ZBTB8B: variants seen among roughly 807,000 people sequenced by gnomAD.
ZBTB8B encodes the protein zinc finger and BTB domain-containing protein 8B.
Under a neutral mutation model 30.3 loss-of-function variants are expected in ZBTB8B, and 17 were observed. The observed-to-expected ratio is 0.56, with a 90% CI of 0.38 to 0.84. The LOEUF (loss-of-function observed/expected upper bound fraction) is 0.84. Among genes scored for constraint, ZBTB8B ranks in the 40% least tolerant of loss-of-function variants. The pLI is 0.00. For missense variants in ZBTB8B, 515 were observed against 644.9 expected (o/e 0.80, Z 2.18); for synonymous variants, 248 against 255.6 (o/e 0.97, Z 0.28).
chr1:32,471,956 T>C (rs558200461), intron 2 of ZBTB8B, among the ~76,000 whole-genome samples: 2 of 135,754 alleles, frequency 1.5e-5, no homozygotes, highest in South Asian at 4.4e-4. Flanking sequence ...TCATCATCAT[T>C]ACCATCATCT....
intron 2 of ZBTB8B, among the ~76,000 whole-genome samples, chr1:32,480,639 G>A (rs1008110586): frequency 6.6e-6 from 1 of 152,254 alleles, no homozygotes; most frequent in Non-Finnish European, 1.5e-5. Flanking sequence ...TCACACAGAA[G>A]TGTGGAAGCT....
At chr1:32,478,521 AAAT>A (rs1371907483) in intron 2 of ZBTB8B, among the ~76,000 whole-genome samples, 11 of 152,174 alleles carry the variant, frequency 7.2e-5, no homozygotes, top group Admixed American at 1.3e-4. Flanking sequence ...CAGGAAAAAA[AAAT>A]AATAATAGTA....
intron 1 of ZBTB8B, among the ~76,000 whole-genome samples, chr1:32,468,226 ATGT>A (rs971115842): frequency 6.6e-6 from 1 of 152,100 alleles, no homozygotes; most frequent in Non-Finnish European, 1.5e-5. Context: ...TGGGGCTCCA[ATGT>A]TGTCCCCAGG....
rs1437861343 is a variant in ZBTB8B at position 32,489,531 on chromosome 1, A to C, written c.*4113A>C. Reference sequence around the variant, plus strand: ...TTAGGTGGTCAGTATTTATAATCACAGTGTCTTTGAGGTTTAATTTGTGGG... The same window carrying C: ...TTAGGTGGTCAGTATTTATAATCACCGTGTCTTTGAGGTTTAATTTGTGGG... On this transcript the variant is annotated 3_prime_UTR_variant, in exon 4 of 4. Transcript: ENST00000609129. The C allele has an allele frequency of 1.3e-5, 2 of 152,160 alleles. No individual in the cohort carries two copies. Among genetic ancestry groups the C allele is most frequent in the Admixed American group, 6.5e-5 (1 of 15,272 alleles). The allele number at this position is 152,160 out of a possible 1,614,324, so 9.4% of individuals were successfully genotyped here.
Position 32,494,466 on chromosome 1 carries a change from G to A in ZBTB8B, c.*9048G>A, listed in dbSNP as rs540204734. 6.6e-6 allele frequency: 1 copy of A among 152,150 alleles called. No homozygotes were observed. Among genetic ancestry groups the A allele is most frequent in the South Asian group, 2.1e-4 (1 of 4,838 alleles). 9.4% of individuals were successfully genotyped at this position (152,150 alleles called of 1,614,324 possible). On this transcript the variant is annotated 3_prime_UTR_variant, in exon 4 of 4. Transcript: ENST00000609129. ...CCATCAGACCAGAGGCACAGGAGAG[G>A]AAAATGCTGTTTTGGCCTCATATGA... is the stretch of plus-strand genomic sequence containing the variant.
intron 1 of ZBTB8B, 67 bp from the exon 2 acceptor site, chr1:32,470,517 A>AAG (rs1557680628): frequency 7.9e-6 from 9 of 1,133,014 alleles, no homozygotes; most frequent in East Asian, 3.4e-5. Flanking sequence ...AAAAAAAAAA[A>AAG]AAAAAAAAAG....
chr1:32,476,863 C>T (rs1045113070), intron 2 of ZBTB8B, among the ~76,000 whole-genome samples: 1 of 152,026 alleles, frequency 6.6e-6, no homozygotes, highest in South Asian at 2.1e-4. Context: ...CCATGAGGGG[C>T]AGGGACTTTG....
Position 32,487,715 on chromosome 1 carries a change from G to A in ZBTB8B, c.*2297G>A, listed in dbSNP as rs902936500. The A allele has an allele frequency of 5.3e-5, 8 of 151,814 alleles. No individual in the cohort carries two copies. Among genetic ancestry groups the A allele is most frequent in the African/African-American group, 1.7e-4 (7 of 41,284 alleles). The allele number at this position is 151,814 out of a possible 1,614,324, so 9.4% of individuals were successfully genotyped here. ...AAATTAGTCAGGAGTGGTGGCATGT[G>A]CCTGTAATCCCAGCTACTCAGGAGG... On this transcript the variant is annotated 3_prime_UTR_variant, in exon 4 of 4. Coordinates refer to ENST00000609129, the MANE Select transcript of ZBTB8B (RefSeq NM_001145720.2).
In ZBTB8B at chr1:32,496,572, C is replaced by G. The variant is rs1008690605; in HGVS notation, c.*11154C>G. ...GAATTGGTTTTTAAGTGGTAATGTA[C>G]CAGGTCTGTTTATATAGGTCAGTGT... is the stretch of plus-strand genomic sequence containing the variant. On this transcript the variant is annotated 3_prime_UTR_variant, in exon 4 of 4. Coordinates refer to ENST00000609129, the MANE Select transcript of ZBTB8B (RefSeq NM_001145720.2). The G allele has an allele frequency of 5.3e-5, 8 of 151,924 alleles. No individual in the cohort carries two copies. The highest frequency in any genetic ancestry group is 8.8e-5 in the Non-Finnish European group (6 of 68,002). 9.4% of individuals were successfully genotyped at this position (151,924 alleles called of 1,614,324 possible). A position where few individuals can be genotyped will look rare whatever the true frequency, so the allele number is the denominator to read the frequency against.
intron 1 of ZBTB8B, among the ~76,000 whole-genome samples, chr1:32,468,854 CTG>C (rs1358157093): frequency 6.8e-6 from 1 of 148,040 alleles, no homozygotes; most frequent in Non-Finnish European, 1.5e-5. Flanking sequence ...GAGGGAGAAT[CTG>C]TCTCAAAAAA....
intron 2 of ZBTB8B, among the ~76,000 whole-genome samples, chr1:32,472,417 T>A (rs1228330180): frequency 6.6e-6 from 1 of 152,192 alleles, no homozygotes; most frequent in African/African-American, 2.4e-5. Flanking sequence ...TTTTCAGAAC[T>A]TTTTCTCACA....
rs1329606527 is a variant in ZBTB8B, at chr1:32,478,057, C to T, written c.992-2834C>T. The stretch of plus-strand genomic sequence containing the variant: ...GCACAACAAAAGCAAAACTCCGTCT[C>T]AAAAAAAAAAAAATTAGCTGCACAT... On this transcript the variant is annotated intron_variant, in intron 2 of 3. Coordinates refer to ENST00000609129, the MANE Select transcript of ZBTB8B (RefSeq NM_001145720.2). Among the ~76,000 whole-genome samples the T allele has an allele frequency of 5.3e-5, 7 of 132,924 alleles. No individual in the cohort carries two copies. In the East Asian group the frequency reaches 8.8e-4, roughly 17 times the overall value. The allele number at this position is 132,924 out of a possible 152,430, so 87.2% of individuals were successfully genotyped here.
chr1:32,483,967 G>A (rs977273200), intron 3 of ZBTB8B, among the ~76,000 whole-genome samples: 1 of 151,996 alleles, frequency 6.6e-6, no homozygotes, highest in African/African-American at 2.4e-5. Context: ...CACCTTACGA[G>A]GCCAAGGTGG....
rs1643730477 is a variant in ZBTB8B, at chr1:32,484,670, C to T, written c.1171-431C>T. Reference sequence around the variant, plus strand: ...AGTTTCTCATGGTTTAACGCCATCCCTACTTGGTGCTGTCATCGTGATAGT... The same window carrying T: ...AGTTTCTCATGGTTTAACGCCATCCTTACTTGGTGCTGTCATCGTGATAGT... On this transcript the variant is annotated intron_variant, in intron 3 of 3. Transcript: ENST00000609129. This position sits in a 1 kb window ranked among gnomAD's most constrained non-coding sequence, Gnocchi z 4.5. Among the ~76,000 whole-genome samples the T allele has an allele frequency of 6.6e-6, 1 of 152,062 alleles. No homozygotes were observed. Among genetic ancestry groups the T allele is most frequent in the Non-Finnish European group, 1.5e-5 (1 of 68,006 alleles).
rs574429255 is a variant in ZBTB8B at position 32,495,513 on chromosome 1, C to T, written c.*10095C>T. 6.6e-6 allele frequency: 1 copy of T among 152,076 alleles called. No homozygotes were observed. The highest frequency in any genetic ancestry group is 2.4e-5 in the African/African-American group (1 of 41,394). 9.4% of individuals were successfully genotyped at this position (152,076 alleles called of 1,614,324 possible). ...CTAAATTTTTGTTTTGATTTATATACAGTCAGATTGAAACACCCTAGTTAC... is the reference window on the plus strand; with the variant it reads ...CTAAATTTTTGTTTTGATTTATATATAGTCAGATTGAAACACCCTAGTTAC... On this transcript the variant is annotated 3_prime_UTR_variant, in exon 4 of 4. Transcript: ENST00000609129.
At chr1:32,482,476 TC>T (rs980048427) in intron 3 of ZBTB8B, among the ~76,000 whole-genome samples, 7 of 151,628 alleles carry the variant, frequency 4.6e-5, no homozygotes, top group African/African-American at 1.7e-4. Flanking sequence ...ATGGAGACCA[TC>T]CTGGCCAACA....
At chr1:32,471,653 T>C (rs1356474530) in intron 2 of ZBTB8B, 38 bp downstream of exon 2, 56 of 1,528,938 alleles carry the variant, frequency 3.7e-5, no homozygotes, top group Non-Finnish European at 4.9e-5. Context: ...TGCCAGTGAT[T>C]GAGTACACAC....
intron 2 of ZBTB8B, among the ~76,000 whole-genome samples, chr1:32,478,268 T>G (rs1021788421): frequency 6.6e-6 from 1 of 150,994 alleles, no homozygotes; most frequent in African/African-American, 2.4e-5. Context: ...TCCCAGCACT[T>G]TGGGAGGCTG....
At chr1:32,470,379 A>G (rs943022015) in intron 1 of ZBTB8B, among the ~76,000 whole-genome samples, 4 of 151,722 alleles carry the variant, frequency 2.6e-5, no homozygotes, top group African/African-American at 9.7e-5. Context: ...AGGCACCTGT[A>G]GTCCCAGCTA....
Sources: allele counts gnomAD v4.1 joint callset (sites outside exome capture counted in the v4.1 genomes callset), GRCh38; gene constraint gnomAD v4.1.1; non-coding constraint Gnocchi (gnomAD v3.1); transcripts MANE v1.5; gene names NCBI Gene and HGNC (gene_info 2026-07-23, HGNC 2026-07-21).